The following GRID2 variants were observed in gnomAD, a reference collection of about 807,000 sequenced individuals.
The protein encoded by GRID2 is glutamate receptor ionotropic, delta-2.
Under a neutral mutation model 114.8 loss-of-function variants are expected in GRID2, and 33 were observed. The ratio of observed to expected loss-of-function variants is 0.29; its 90% CI spans 0.22 to 0.38. The LOEUF is 0.38. GRID2 is among the 10% of genes least tolerant of loss of function. The pLI, the probability that GRID2 is intolerant of heterozygous loss-of-function variation, is 1.00. For synonymous variants in GRID2, 505 were observed against 449.9 expected, an observed-to-expected ratio of 1.12 and a Z score of -1.55; for missense variants, 1,184 against 1,257.7, an observed-to-expected ratio of 0.94 and a Z score of 0.89.
intron 14 of GRID2, among the ~76,000 whole-genome samples, chr4:93,669,072 T>C (rs1406722077): frequency 6.6e-6 from 1 of 152,100 alleles, no homozygotes; most frequent in African/African-American, 2.4e-5. Flanking sequence ...TATGAGAATT[T>C]GTAATAAGAG....
At chr4:93,518,965 A>T (rs1022804711) in intron 13 of GRID2, among the ~76,000 whole-genome samples, 2 of 152,132 alleles carry the variant, frequency 1.3e-5, no homozygotes, top group African/African-American at 4.8e-5. Context: ...CAGATGAATC[A>T]TGTAGGGTCT....
intron 10 of GRID2, among the ~76,000 whole-genome samples, chr4:93,443,800 A>G (rs1370291270): frequency 7.3e-5 from 11 of 151,714 alleles, no homozygotes; most frequent in Non-Finnish European, 1.6e-4. Flanking sequence ...TTTTTCAGGC[A>G]GTATATAGCC....
At chr4:93,190,936 A>G (rs1191480188) in intron 4 of GRID2, among the ~76,000 whole-genome samples, 1 of 151,928 alleles carries the variant, frequency 6.6e-6, no homozygotes, top group Non-Finnish European at 1.5e-5. Context: ...ATTATTTGTG[A>G]TTTCTATGGC....
chr4:92,634,118 A>G (rs1730945263), intron 2 of GRID2, among the ~76,000 whole-genome samples: 2 of 151,722 alleles, frequency 1.3e-5, no homozygotes, highest in Admixed American at 6.6e-5. Flanking sequence ...AAATTGCAAA[A>G]AAAAAAACAA....
At chr4:93,326,939 C>A (rs1233519607) in intron 8 of GRID2, among the ~76,000 whole-genome samples, 1 of 152,178 alleles carries the variant, frequency 6.6e-6, no homozygotes, top group Non-Finnish European at 1.5e-5. Flanking sequence ...TCTATCACAT[C>A]TGTTTGCTAA....
At chr4:92,560,057 T>C (rs1373561324) in intron 1 of GRID2, among the ~76,000 whole-genome samples, 2 of 152,114 alleles carry the variant, frequency 1.3e-5, no homozygotes, top group Non-Finnish European at 2.9e-5. Flanking sequence ...TACTAAATAA[T>C]GAGATAGTTG....
At chr4:93,429,034 G>C (rs185673223) in intron 10 of GRID2, among the ~76,000 whole-genome samples, 119 of 152,288 alleles carry the variant, frequency 7.8e-4, no homozygotes, top group African/African-American at 2.7e-3. Context: ...TATGCCCCTT[G>C]ATCAGACCTG....
In GRID2 at chr4:92,931,148, T is replaced by TA. The variant is rs201696542; in HGVS notation, c.245-153844dup. Among the ~76,000 whole-genome samples the TA allele has an allele frequency of 3.3e-5, 5 of 151,128 alleles. No individual in the cohort carries two copies. The East Asian group carries it at 9.7e-4, about 29-fold the overall frequency. ...AGTTGTATTCAGAAATACATAATAA[T>TA]AAATCATAATGGAGCAGAGTTTGCT... On this transcript the variant is annotated intron_variant, in intron 2 of 15. Coordinates refer to ENST00000282020, the MANE Select transcript of GRID2 (RefSeq NM_001510.4).
intron 2 of GRID2, among the ~76,000 whole-genome samples, chr4:92,711,833 G>T (rs757003624): frequency 2.8e-4 from 43 of 152,266 alleles, no homozygotes; most frequent in Non-Finnish European, 5.7e-4. Context: ...AACCCAGAAG[G>T]TTGAGGCTGC....
chr4:93,133,765 T>G (rs960281728), intron 4 of GRID2, among the ~76,000 whole-genome samples: 1 of 152,124 alleles, frequency 6.6e-6, no homozygotes, highest in African/African-American at 2.4e-5. Flanking sequence ...GAAGAAAGCC[T>G]TAGGAACATG....
rs1726551627 is a variant in GRID2, at chr4:92,325,623, T to C, written c.88+20879T>C. On this transcript the variant is annotated intron_variant, in intron 1 of 15. Transcript: ENST00000282020. ...TCAAACAAAGAGATTTGCTATTAGT[T>C]TAACATGACAGAAAACACCTAGTAC... Among the ~76,000 whole-genome samples, 3 of 151,986 alleles carry C rather than the reference T, an allele frequency of 2.0e-5. No homozygotes were observed. In the South Asian group the frequency reaches 6.2e-4, roughly 31 times the overall value.
chr4:93,384,299 T>G (rs957416540), intron 8 of GRID2, among the ~76,000 whole-genome samples: 11 of 152,166 alleles, frequency 7.2e-5, no homozygotes, highest in African/African-American at 2.7e-4. Context: ...GGACTCCATC[T>G]CTTGAAAGAA....
At chr4:93,045,247 T>C (rs186685089) in intron 2 of GRID2, among the ~76,000 whole-genome samples, 1 of 152,144 alleles carries the variant, frequency 6.6e-6, no homozygotes, top group Non-Finnish European at 1.5e-5. Context: ...GCCTTTTGTC[T>C]AGTTGGCCTT....
chr4:92,316,538 A>AT (rs569296260), intron 1 of GRID2, among the ~76,000 whole-genome samples: 1 of 152,134 alleles, frequency 6.6e-6, no homozygotes, highest in African/African-American at 2.4e-5. Flanking sequence ...GTGTCACCAG[A>AT]TTTTTTTTAC....
intron 1 of GRID2, among the ~76,000 whole-genome samples, chr4:92,380,434 A>C (rs1254855576): frequency 6.6e-6 from 1 of 152,038 alleles, no homozygotes; most frequent in Admixed American, 6.6e-5. Context: ...TCTTTTGTGA[A>C]GATTAAATGA....
At chr4:92,700,077 C>T (rs1211526321) in intron 2 of GRID2, among the ~76,000 whole-genome samples, 2 of 152,056 alleles carry the variant, frequency 1.3e-5, no homozygotes, top group African/African-American at 4.8e-5. Context: ...ACTATCAGGT[C>T]TTTTAGTGTA....
At chr4:93,337,367 C>G (rs184448905) in intron 8 of GRID2, among the ~76,000 whole-genome samples, 192 of 152,294 alleles carry the variant, frequency 1.3e-3, no homozygotes, top group African/African-American at 4.3e-3. Context: ...AGCTCCCCTG[C>G]CCCACTCCCA....
At chr4:93,297,136 T>G (rs959656937) in intron 8 of GRID2, among the ~76,000 whole-genome samples, 14 of 152,310 alleles carry the variant, frequency 9.2e-5, no homozygotes, top group African/African-American at 3.4e-4. Context: ...TACTTTTTTG[T>G]CCTGTAATCC....
intron 8 of GRID2, among the ~76,000 whole-genome samples, chr4:93,368,008 A>G (rs1310245874): frequency 6.6e-6 from 1 of 152,164 alleles, no homozygotes; most frequent in Non-Finnish European, 1.5e-5. Flanking sequence ...AAACAATATA[A>G]TTTTACTTAA....
Sources: gnomAD v4.1 joint callset for allele counts (sites outside exome capture counted in the v4.1 genomes callset) on GRCh38, gnomAD v4.1.1 for gene constraint, MANE v1.5 for transcripts, NCBI Gene and HGNC (gene_info 2026-07-23, HGNC 2026-07-21) for gene names.